ZSWIM6: variants seen among roughly 807,000 people sequenced by gnomAD.
The protein encoded by ZSWIM6 is zinc finger SWIM domain-containing protein 6.
ZSWIM6 carries 9 observed loss-of-function variants against 113.2 expected under a neutral mutation model. The ratio of observed to expected loss-of-function variants is 0.08; its 90% confidence interval spans 0.05 to 0.14. The LOEUF (loss-of-function observed/expected upper bound fraction) is 0.14. ZSWIM6 is among the 10% of genes least tolerant of loss of function. The pLI is 1.00. For missense variants in ZSWIM6, 1,162 were observed against 1,552.2 expected (o/e 0.75, Z 4.22); for synonymous variants, 611 against 606.5 (o/e 1.01, Z -0.11).
intron 1 of ZSWIM6, among the ~76,000 whole-genome samples, chr5:61,350,097 A>T (rs1744748955): frequency 6.6e-6 from 1 of 152,190 alleles, no homozygotes. Context: ...CAATAATTTA[A>T]CAATAGGGCT....
At chr5:61,345,626 T>A (rs1744642109) in intron 1 of ZSWIM6, among the ~76,000 whole-genome samples, 1 of 152,208 alleles carries the variant, frequency 6.6e-6, no homozygotes, top group African/African-American at 2.4e-5. Context: ...CTACACTGAA[T>A]ACAAATGGAA....
chr5:61,540,860 C>G (rs1749708595), intron 12 of ZSWIM6, among the ~76,000 whole-genome samples: 1 of 150,160 alleles, frequency 6.7e-6, no homozygotes, highest in Non-Finnish European at 1.5e-5. Flanking sequence ...TTTCTAGAAC[C>G]TAAAAAGGAA....
At chr5:61,428,677 G>T (rs1344946649) in intron 1 of ZSWIM6, among the ~76,000 whole-genome samples, 1 of 151,920 alleles carries the variant, frequency 6.6e-6, no homozygotes, top group Non-Finnish European at 1.5e-5. Flanking sequence ...AGTCTCTTAG[G>T]CTATTTTATT....
At chr5:61,451,218 C>T (rs574396950) in intron 1 of ZSWIM6, among the ~76,000 whole-genome samples, 42 of 152,278 alleles carry the variant, frequency 2.8e-4, no homozygotes, top group African/African-American at 9.9e-4. Context: ...AGGAAGCTGG[C>T]ATCATGGCAG....
At chr5:61,348,152 T>C (rs1402216167) in intron 1 of ZSWIM6, among the ~76,000 whole-genome samples, 2 of 151,970 alleles carry the variant, frequency 1.3e-5, no homozygotes, top group African/African-American at 2.4e-5. Flanking sequence ...ACCCGGGAGG[T>C]GGAGCTTGCA....
At chr5:61,515,937 C>T (rs1455057023) in intron 4 of ZSWIM6, among the ~76,000 whole-genome samples, 2 of 151,916 alleles carry the variant, frequency 1.3e-5, no homozygotes, top group African/African-American at 2.4e-5. Flanking sequence ...TATAGTATTC[C>T]TTGTTCTAAA....
chr5:61,449,989 G>T (rs1747053097), intron 1 of ZSWIM6, among the ~76,000 whole-genome samples: 1 of 152,158 alleles, frequency 6.6e-6, no homozygotes, highest in African/African-American at 2.4e-5. Flanking sequence ...AACAGTTTTG[G>T]ACTGACCCTG....
intron 1 of ZSWIM6, among the ~76,000 whole-genome samples, chr5:61,365,003 A>G (rs1225369814): frequency 6.6e-6 from 1 of 152,192 alleles, no homozygotes; most frequent in East Asian, 1.9e-4. Context: ...CTGGCTCTTT[A>G]CAGAAAAAGT....
chr5:61,507,471 C>G (rs904664893), intron 4 of ZSWIM6, among the ~76,000 whole-genome samples: 1 of 152,150 alleles, frequency 6.6e-6, no homozygotes. Flanking sequence ...TCCAGAAATG[C>G]AGACACTGAC....
intron 4 of ZSWIM6, among the ~76,000 whole-genome samples, chr5:61,517,895 C>T (rs1286738670): frequency 1.3e-5 from 2 of 150,486 alleles, no homozygotes; most frequent in African/African-American, 4.9e-5. Flanking sequence ...GCTGCACCCA[C>T]TAACTCGTCA....
chr5:61,335,639 G>A (rs913204560), intron 1 of ZSWIM6, among the ~76,000 whole-genome samples: 2 of 152,208 alleles, frequency 1.3e-5, no homozygotes, highest in Non-Finnish European at 2.9e-5. Context: ...CCATAAAGCA[G>A]TTTTCTGGTA....
At chr5:61,501,240 G>T (rs1748458895) in intron 4 of ZSWIM6, among the ~76,000 whole-genome samples, 1 of 152,238 alleles carries the variant, frequency 6.6e-6, no homozygotes, top group South Asian at 2.1e-4. Context: ...CCTGCTGTGG[G>T]GGTGGAAAAG....
At chr5:61,368,936 G>A (rs892098898) in intron 1 of ZSWIM6, among the ~76,000 whole-genome samples, 5 of 152,172 alleles carry the variant, frequency 3.3e-5, no homozygotes, top group Non-Finnish European at 7.3e-5. Context: ...GATAATACCT[G>A]CCTTGCTTAA....
Position 61,332,693 on chromosome 5 carries a change from A to G in ZSWIM6, c.421A>G (p.Ser141Gly), listed in dbSNP as rs1327267898. The change falls in exon 1 of 14, where the codon AGC becomes GGC. Residue 141 changes from serine to glycine, a missense_variant. Ser to Gly is a moderately conservative substitution (Grantham distance 56, BLOSUM62 0). Around this residue, in one of 4 missense-constraint regions of ZSWIM6, gnomAD observed 333 missense variants for 293.4 expected, o/e 1.13. Transcript: ENST00000252744. ...GGAAGGPGDD[S>G]GGGGGAGGGG... is the part of the protein sequence containing the mutation. ...CGCCGCGGGCGGCCCCGGCGACGAC[A>G]GCGGTGGCGGCGGCGGCGCGGGCGG... The G allele has an allele frequency of 3.0e-6, 3 of 999,472 alleles. No individual in the cohort carries two copies. The highest frequency in any genetic ancestry group is 3.6e-5 in the South Asian group (1 of 27,934). 61.9% of individuals were successfully genotyped at this position (999,472 alleles called of 1,614,324 possible).
At chr5:61,362,853 A>C (rs1745058587) in intron 1 of ZSWIM6, among the ~76,000 whole-genome samples, 1 of 152,360 alleles carries the variant, frequency 6.6e-6, no homozygotes, top group Non-Finnish European at 1.5e-5. Context: ...CCTGTAAAGT[A>C]AGAAAATTTA....
chr5:61,439,235 T>C (rs1746774495), intron 1 of ZSWIM6, among the ~76,000 whole-genome samples: 1 of 152,210 alleles, frequency 6.6e-6, no homozygotes, highest in Admixed American at 6.5e-5. Context: ...CCTTGCCATT[T>C]GAGATTTCCC....
At chr5:61,451,491 T>C (rs1747086300) in intron 1 of ZSWIM6, among the ~76,000 whole-genome samples, 1 of 152,164 alleles carries the variant, frequency 6.6e-6, no homozygotes, top group African/African-American at 2.4e-5. Flanking sequence ...AAGTTAACAT[T>C]GGTCCTGTAA....
chr5:61,342,054 A>G (rs909510752), intron 1 of ZSWIM6, among the ~76,000 whole-genome samples: 3 of 151,710 alleles, frequency 2.0e-5, no homozygotes, highest in African/African-American at 4.8e-5. Flanking sequence ...TAACTTTTGT[A>G]TTTTTAGTAG....
At chr5:61,421,187 T>C (rs6876005) in intron 1 of ZSWIM6, among the ~76,000 whole-genome samples, 4,692 of 152,282 alleles carry the variant, frequency 0.031, 233 homozygotes, top group African/African-American at 0.11. Context: ...CCCAAAGTGC[T>C]GGGATTACAA....
Sources: allele counts gnomAD v4.1 joint callset (sites outside exome capture counted in the v4.1 genomes callset), GRCh38; gene constraint gnomAD v4.1.1; regional missense constraint gnomAD v4.1.1; transcripts MANE v1.5; gene names NCBI Gene and HGNC (gene_info 2026-07-23, HGNC 2026-07-21).